The following MAF variants were observed in gnomAD, a reference collection of about 807,000 sequenced individuals.
MAF encodes the protein transcription factor Maf.
Under a neutral mutation model 22.0 loss-of-function variants are expected in MAF, and 10 were observed. That is an observed-to-expected ratio of 0.45 (90% confidence interval 0.28 to 0.77). MAF has a LOEUF of 0.77. Among genes scored for constraint, MAF ranks in the 30% least tolerant of loss-of-function variants. The pLI is 0.12. For missense variants in MAF, 544 were observed against 548.4 expected (o/e 0.99, Z 0.08); for synonymous variants, 337 against 255.8 (o/e 1.32, Z -3.03).
chr16:79,236,133 C>A, the MAF span, among the ~76,000 whole-genome samples: 1 of 152,096 alleles, frequency 6.6e-6, no homozygotes, highest in Non-Finnish European at 1.5e-5. Context: ...GAATATTTTA[C>A]AATGCAAGCA....
At chr16:79,399,230 T>C in the MAF span, among the ~76,000 whole-genome samples, 1 of 152,146 alleles carries the variant, frequency 6.6e-6, no homozygotes, top group African/African-American at 2.4e-5. Context: ...ATCTATCAAA[T>C]GGGAATAAAG....
At chr16:79,234,426 G>A in the MAF span, among the ~76,000 whole-genome samples, 1 of 152,130 alleles carries the variant, frequency 6.6e-6, no homozygotes, top group African/African-American at 2.4e-5. Flanking sequence ...AGTGTTCATT[G>A]TCAATTTAGT....
At chr16:79,209,362 T>C in the MAF span, among the ~76,000 whole-genome samples, 1 of 152,198 alleles carries the variant, frequency 6.6e-6, no homozygotes, top group African/African-American at 2.4e-5. Context: ...CAGTAGGTCA[T>C]AGTGGCAAAA....
At chr16:79,358,674 A>G in the MAF span, among the ~76,000 whole-genome samples, 1 of 152,242 alleles carries the variant, frequency 6.6e-6, no homozygotes, top group Non-Finnish European at 1.5e-5. Context: ...GATACCTGAC[A>G]TGCAGGAAGG....
the MAF span, among the ~76,000 whole-genome samples, chr16:79,499,431 T>A: frequency 5.9e-5 from 9 of 152,208 alleles, no homozygotes; most frequent in African/African-American, 1.9e-4. Flanking sequence ...GCATAGAAGC[T>A]ATAGTAGGCG....
At chr16:79,242,413 A>T in the MAF span, among the ~76,000 whole-genome samples, 2 of 151,918 alleles carry the variant, frequency 1.3e-5, no homozygotes, top group African/African-American at 4.8e-5. Flanking sequence ...CTAGTCTCTG[A>T]TAAAAAAAGA....
chr16:79,542,106 T>G, the MAF span, among the ~76,000 whole-genome samples: 10 of 152,208 alleles, frequency 6.6e-5, no homozygotes, highest in Non-Finnish European at 1.2e-4. Flanking sequence ...GGTGACAATT[T>G]CCTCCAACTG....
the MAF span, among the ~76,000 whole-genome samples, chr16:79,372,092 C>T: frequency 6.8e-6 from 1 of 146,786 alleles, no homozygotes. Flanking sequence ...TTTTTTTACC[C>T]CAAGTGCAAT....
chr16:79,357,071 A>G, the MAF span, among the ~76,000 whole-genome samples: 1 of 152,226 alleles, frequency 6.6e-6, no homozygotes, highest in Admixed American at 6.5e-5. Context: ...AGCCAGGCCA[A>G]CATGGTGAAA....
At chr16:79,580,155 G>A in the MAF span, among the ~76,000 whole-genome samples, 907 of 152,090 alleles carry the variant, frequency 6.0e-3, 9 homozygotes, top group Non-Finnish European at 7.0e-3. Flanking sequence ...TTTCTTCCAG[G>A]GTCAGGACCA....
At chr16:79,288,450 C>T in the MAF span, among the ~76,000 whole-genome samples, 2 of 152,138 alleles carry the variant, frequency 1.3e-5, no homozygotes, top group Non-Finnish European at 2.9e-5. Context: ...GAGTGAGCTG[C>T]CTATTCAGCC....
the MAF span, among the ~76,000 whole-genome samples, chr16:79,287,112 G>A: frequency 1.5e-5 from 2 of 132,450 alleles, no homozygotes; most frequent in African/African-American, 5.4e-5. Context: ...CACGTACTCT[G>A]CCTTCCTTTT....
chr16:79,237,414 G>C, the MAF span, among the ~76,000 whole-genome samples: 2 of 152,190 alleles, frequency 1.3e-5, no homozygotes, highest in African/African-American at 4.8e-5. Context: ...ATTCCACTCG[G>C]TAAATCTCTG....
the MAF span, among the ~76,000 whole-genome samples, chr16:79,458,822 G>A: frequency 6.6e-6 from 1 of 152,150 alleles, no homozygotes. Flanking sequence ...CCTTTCTTGG[G>A]ACTTGTCTAG....
the MAF span, among the ~76,000 whole-genome samples, chr16:79,338,031 A>T: frequency 6.6e-6 from 1 of 152,194 alleles, no homozygotes; most frequent in African/African-American, 2.4e-5. Context: ...ATGGAAATAA[A>T]TAGGACGAGT....
the MAF span, among the ~76,000 whole-genome samples, chr16:79,519,906 T>C: frequency 1.3e-5 from 2 of 152,238 alleles, no homozygotes; most frequent in Non-Finnish European, 2.9e-5. Flanking sequence ...GGCACGGCCA[T>C]GTGTCCTCCA....
chr16:79,583,391 G>C (rs1334033020), downstream of MAF, among the ~76,000 whole-genome samples: 1 of 152,140 alleles, frequency 6.6e-6, no homozygotes, highest in Non-Finnish European at 1.5e-5. Flanking sequence ...GGGTACTTAA[G>C]GCCCAGGAAG....
the MAF span, among the ~76,000 whole-genome samples, chr16:79,274,287 A>C: frequency 6.6e-6 from 1 of 151,978 alleles, no homozygotes; most frequent in African/African-American, 2.4e-5. Flanking sequence ...AAAAAAGAAC[A>C]AACAATAAAG....
the MAF span, among the ~76,000 whole-genome samples, chr16:79,228,025 T>C: frequency 6.6e-6 from 1 of 152,066 alleles, no homozygotes; most frequent in Non-Finnish European, 1.5e-5. Flanking sequence ...CACCTGAGCC[T>C]CCCAAGTAGC....
Sources: allele counts gnomAD v4.1 joint callset (sites outside exome capture counted in the v4.1 genomes callset), GRCh38; gene constraint gnomAD v4.1.1; transcripts MANE v1.5; gene names NCBI Gene and HGNC (gene_info 2026-07-23, HGNC 2026-07-21).